Variants in INPP4A observed in about 807,000 individuals in gnomAD.
INPP4A encodes the protein inositol polyphosphate-4-phosphatase, type I, 107kD.
A neutral mutation model predicts 119.8 loss-of-function variants in INPP4A; 33 were observed. The observed-to-expected ratio is 0.28, with a 90% CI of 0.21 to 0.37. The LOEUF (loss-of-function observed/expected upper bound fraction) is 0.37, where lower values mean the gene tolerates loss of function less well. INPP4A is among the 10% of genes least tolerant of loss of function. The pLI is 1.00. For missense variants in INPP4A, 956 were observed against 1,289.9 expected (o/e 0.74, Z 3.97); for synonymous variants, 496 against 500.7 (o/e 0.99, Z 0.12).
At chr2:98,461,944 T>C (rs1432765910) in intron 1 of INPP4A, among the ~76,000 whole-genome samples, 1 of 152,216 alleles carries the variant, frequency 6.6e-6, no homozygotes, top group East Asian at 1.9e-4. Context: ...GTTAGTTTTG[T>C]GAAGGAAGCT....
chr2:98,447,359 A>G (rs769955568), intron 1 of INPP4A, among the ~76,000 whole-genome samples: 13 of 136,602 alleles, frequency 9.5e-5, no homozygotes, highest in Non-Finnish European at 1.9e-4. Context: ...AGAGCCTTCG[A>G]AACGGCTTTT....
In INPP4A at chr2:98,576,957, C is replaced by A. The variant is rs536077173; in HGVS notation, c.2632-32C>A. ...GGTGCTGCCTTTCTGTGGAGCCTCG[C>A]CTCTAAGCACGGCCCATGTTTCTGT... On this transcript the variant is annotated intron_variant, in intron 23 of 24. Coordinates refer to ENST00000409851, the MANE Select transcript of INPP4A (RefSeq NM_001134225.2). 39 of 1,597,384 alleles carry A rather than the reference C, an allele frequency of 2.4e-5. No homozygotes were observed. The East Asian group carries it at 8.1e-4, about 33-fold the overall frequency.
intron 1 of INPP4A, among the ~76,000 whole-genome samples, chr2:98,515,762 A>G (rs1446427749): frequency 6.6e-6 from 1 of 152,092 alleles, no homozygotes; most frequent in Admixed American, 6.6e-5. Flanking sequence ...GTTTCCCAGG[A>G]CTGCTGCTGA....
At chr2:98,564,006 C>T (rs1190270091) in intron 18 of INPP4A, among the ~76,000 whole-genome samples, 2 of 146,084 alleles carry the variant, frequency 1.4e-5, no homozygotes, top group Non-Finnish European at 3.0e-5. Flanking sequence ...TCAGTGCAAA[C>T]ATTGCTCGTA....
Position 98,590,413 on chromosome 2 carries a change from G to C in INPP4A, c.*2805G>C, listed in dbSNP as rs1329714892. The C allele has an allele frequency of 5.3e-6, 1 of 187,678 alleles. No individual in the cohort carries two copies. The highest frequency in any genetic ancestry group is 1.1e-5 in the Non-Finnish European group (1 of 89,110). 11.6% of individuals were successfully genotyped at this position (187,678 alleles called of 1,614,324 possible). A position where few individuals can be genotyped will look rare whatever the true frequency, so the allele number is the denominator to read the frequency against. On this transcript the variant is annotated 3_prime_UTR_variant, in exon 25 of 25. Transcript: ENST00000409851. ...CCAATCCTGGTTCTGCCCCTGACTG[G>C]CTGGTGACTCTGAGCAAGTTGCTTG... is the stretch of plus-strand genomic sequence containing the variant.
rs905148486 is a variant in INPP4A at position 98,566,682 on chromosome 2, T to C, written c.2420+513T>C. On this transcript the variant is annotated intron_variant, in intron 21 of 24. Transcript: ENST00000409851. This position sits in a 1 kb window ranked among gnomAD's most constrained non-coding sequence, Gnocchi z 4.2. ...GCTCTGTGTGCCAGGCTGAGACTCA[T>C]GCCTGAACCTAAAGGCAACTGCCCT... Among the ~76,000 whole-genome samples the C allele has an allele frequency of 6.6e-6, 1 of 152,140 alleles. No homozygotes were observed. The highest frequency in any genetic ancestry group is 1.5e-5 in the Non-Finnish European group (1 of 68,022).
chr2:98,478,723 G>A (rs778507404), intron 1 of INPP4A, among the ~76,000 whole-genome samples: 6 of 152,194 alleles, frequency 3.9e-5, no homozygotes, highest in Non-Finnish European at 7.3e-5. Flanking sequence ...AGAAGGGTGT[G>A]ATGGATTTCC....
chr2:98,509,720 C>G (rs1235531602), intron 1 of INPP4A, among the ~76,000 whole-genome samples: 1 of 152,234 alleles, frequency 6.6e-6, no homozygotes, highest in Non-Finnish European at 1.5e-5. Context: ...ACACATCTCA[C>G]TCATCTCCCA....
At chr2:98,506,661 T>A (rs1684108885) in intron 1 of INPP4A, among the ~76,000 whole-genome samples, 1 of 152,210 alleles carries the variant, frequency 6.6e-6, no homozygotes, top group Non-Finnish European at 1.5e-5. Flanking sequence ...TTGGAAACAT[T>A]GTGAGAAACT....
rs775826752 is a variant in INPP4A at position 98,555,822 on chromosome 2, C to T, written c.1822+14C>T. On this transcript the variant is annotated intron_variant, in intron 16 of 24. Transcript: ENST00000409851. ...ATCTGACCACACGTGCGTATGCATCCATGCTTCCCATATGCTGCCTCCATT... is the reference window on the plus strand; with the variant it reads ...ATCTGACCACACGTGCGTATGCATCTATGCTTCCCATATGCTGCCTCCATT... 6.5e-7 allele frequency: 1 copy of T among 1,542,280 alleles called. No homozygotes were observed. The highest frequency in any genetic ancestry group is 1.2e-5 in the South Asian group (1 of 83,610).
intron 1 of INPP4A, among the ~76,000 whole-genome samples, chr2:98,477,431 C>G (rs987545899): frequency 2.0e-5 from 3 of 152,214 alleles, no homozygotes; most frequent in African/African-American, 7.2e-5. Flanking sequence ...GTTCCTGACC[C>G]GTTTCCAGAT....
Position 98,552,778 on chromosome 2 carries a change from C to A in INPP4A, c.1164-8C>A. 3 of 1,606,620 alleles carry A rather than the reference C, an allele frequency of 1.9e-6. No homozygotes were observed. The highest frequency in any genetic ancestry group is 1.7e-6 in the Non-Finnish European group (2 of 1,173,346). On this transcript the variant is annotated splice_polypyrimidine_tract_variant and splice_region_variant and intron_variant, in intron 13 of 24. Coordinates refer to ENST00000409851, the MANE Select transcript of INPP4A (RefSeq NM_001134225.2). ...GAATCCCTTAGAATCCATTCTTATC[C>A]TTTCCAGTACATCATCTGGCTGCCA... is the stretch of plus-strand genomic sequence containing the variant.
At chr2:98,497,746 C>T (rs551911365) in intron 1 of INPP4A, among the ~76,000 whole-genome samples, 1 of 152,298 alleles carries the variant, frequency 6.6e-6, no homozygotes, top group East Asian at 1.9e-4. Flanking sequence ...TTGGGCGCAA[C>T]TGCCCAAGGC....
intron 23 of INPP4A, among the ~76,000 whole-genome samples, chr2:98,574,261 C>G (rs1698027395): frequency 6.6e-6 from 1 of 152,024 alleles, no homozygotes; most frequent in Non-Finnish European, 1.5e-5. Flanking sequence ...GCTAAACCCC[C>G]CTGGCCAGGC....
intron 4 of INPP4A, among the ~76,000 whole-genome samples, chr2:98,527,618 G>A (rs1390573731): frequency 1.3e-5 from 2 of 152,188 alleles, no homozygotes; most frequent in Non-Finnish European, 2.9e-5. Flanking sequence ...ACCTGAGATT[G>A]ACCCTGAGGT....
At chr2:98,524,950 G>A (rs1447329531) in intron 4 of INPP4A, among the ~76,000 whole-genome samples, 1 of 152,170 alleles carries the variant, frequency 6.6e-6, no homozygotes, top group Non-Finnish European at 1.5e-5. Context: ...CAATATAAAT[G>A]TATTATCTTA....
rs1389167801 is a variant in INPP4A at position 98,587,818 on chromosome 2, A to G, written c.*210A>G. 4.3e-6 allele frequency: 2 copies of G among 459,948 alleles called. No homozygotes were observed. The highest frequency in any genetic ancestry group is 7.6e-6 in the Non-Finnish European group (2 of 264,350). The allele number at this position is 459,948 out of a possible 1,614,324, so 28.5% of individuals were successfully genotyped here. On this transcript the variant is annotated 3_prime_UTR_variant, in exon 25 of 25. Coordinates refer to ENST00000409851, the MANE Select transcript of INPP4A (RefSeq NM_001134225.2). Reference sequence around the variant, plus strand: ...ATCAATAGGAGGTAATGTTTGGCTCAATAGTGTGGATAGTAACAACTGCCT... The same window carrying G: ...ATCAATAGGAGGTAATGTTTGGCTCGATAGTGTGGATAGTAACAACTGCCT...
chr2:98,470,594 C>T (rs1329168593), intron 1 of INPP4A, among the ~76,000 whole-genome samples: 1 of 152,118 alleles, frequency 6.6e-6, no homozygotes, highest in Admixed American at 6.5e-5. Context: ...GTGGTCACTT[C>T]CTTGGTGTGA....
intron 1 of INPP4A, among the ~76,000 whole-genome samples, chr2:98,490,258 C>A (rs763446573): frequency 2.0e-5 from 3 of 151,998 alleles, no homozygotes; most frequent in Non-Finnish European, 4.4e-5. Flanking sequence ...CAGCGAGCAT[C>A]CCAGAAAATT....
Sources: allele counts gnomAD v4.1 joint callset (sites outside exome capture counted in the v4.1 genomes callset), GRCh38; gene constraint gnomAD v4.1.1; non-coding constraint Gnocchi (gnomAD v3.1); transcripts MANE v1.5; gene names NCBI Gene and HGNC (gene_info 2026-07-23, HGNC 2026-07-21).